The following ALK variants were observed in gnomAD, a reference collection of about 807,000 sequenced individuals.
The protein encoded by ALK is ALK tyrosine kinase receptor.
ALK carries 74 observed loss-of-function variants against 163.1 expected under a neutral mutation model. The observed-to-expected ratio is 0.45, with a 90% CI of 0.38 to 0.55. The LOEUF is 0.55. Ranked by LOEUF, ALK falls within the 20% of genes least tolerant of loss-of-function variation. The pLI, the probability that ALK is intolerant of heterozygous loss-of-function variation, is 0.00. For synonymous variants in ALK, 960 were observed against 843.2 expected (o/e 1.14, Z -2.40); for missense variants, 2,063 against 2,105.3 (o/e 0.98, Z 0.39).
chr2:29,726,508 G>A (rs1193919616), intron 1 of ALK, among the ~76,000 whole-genome samples: 1 of 152,168 alleles, frequency 6.6e-6, no homozygotes, highest in Non-Finnish European at 1.5e-5. Flanking sequence ...GAGAGTCCTG[G>A]TAAGGATAAT....
intron 4 of ALK, among the ~76,000 whole-genome samples, chr2:29,508,224 G>T (rs562461245): frequency 6.6e-6 from 1 of 152,152 alleles, no homozygotes; most frequent in Admixed American, 6.5e-5. Flanking sequence ...TCTAGCTTCA[G>T]TTAACATCTG....
chr2:29,576,632 A>G lies in ALK; in HGVS notation c.953-44516T>C, dbSNP rs146434947. ...ACAGGTCCCCAACCCCCAGGGCCAC[A>G]GACCATCCAGGAGGAGGTGAGTGGT... On this transcript the variant is annotated intron_variant, in intron 3 of 28. Transcript: ENST00000389048. Among the ~76,000 whole-genome samples, 198 of 152,286 alleles carry G rather than the reference A, an allele frequency of 1.3e-3. No homozygotes were observed. The East Asian group carries it at 0.017, about 13-fold the overall frequency.
At chr2:29,641,959 C>T (rs1477143740) in intron 3 of ALK, among the ~76,000 whole-genome samples, 36 of 152,174 alleles carry the variant, frequency 2.4e-4, no homozygotes, top group Admixed American at 2.4e-3. Context: ...AGCTAGGAAA[C>T]TTATCAAAAA....
intron 1 of ALK, among the ~76,000 whole-genome samples, chr2:29,755,065 A>C (rs1192267939): frequency 3.1e-5 from 3 of 96,004 alleles, no homozygotes; most frequent in Non-Finnish European, 8.5e-5. Context: ...AGTTTTTCCA[A>C]CAGCAGCTTC....
At chr2:29,440,768 C>T (rs1670521224) in intron 4 of ALK, among the ~76,000 whole-genome samples, 1 of 152,188 alleles carries the variant, frequency 6.6e-6, no homozygotes, top group South Asian at 2.1e-4. Flanking sequence ...ATTAAAGCAC[C>T]ACTCTTTGAT....
At chr2:29,441,000 G>A (rs138803799) in intron 4 of ALK, among the ~76,000 whole-genome samples, 128 of 152,224 alleles carry the variant, frequency 8.4e-4, no homozygotes, top group Middle Eastern at 3.4e-3. Context: ...CCAAGTCTCC[G>A]GCTTCAATAG....
At chr2:29,362,923 T>A (rs1558693947) in intron 5 of ALK, among the ~76,000 whole-genome samples, 1 of 151,888 alleles carries the variant, frequency 6.6e-6, no homozygotes, top group South Asian at 2.1e-4. Flanking sequence ...TTGGTTCCCA[T>A]TTACATGGGT....
At chr2:29,519,181 C>A (rs181072635) in intron 4 of ALK, among the ~76,000 whole-genome samples, 2 of 152,264 alleles carry the variant, frequency 1.3e-5, no homozygotes, top group African/African-American at 2.4e-5. Flanking sequence ...TACCTGGGAG[C>A]TAAAGCTGCT....
At chr2:29,795,977 C>G (rs1664299194) in intron 1 of ALK, among the ~76,000 whole-genome samples, 1 of 152,070 alleles carries the variant, frequency 6.6e-6, no homozygotes, top group African/African-American at 2.4e-5. Flanking sequence ...TTTCCTTCTG[C>G]CCTTCTTTTC....
chr2:29,508,755 A>G lies in ALK; in HGVS notation c.1154+23160T>C, dbSNP rs928972433. On this transcript the variant is annotated intron_variant, in intron 4 of 28. Transcript: ENST00000389048. ...ACTCAAAAAAAAAAAAAAAAAAAAA[A>G]AAAGAAATCCAGACTTCCAGCCCAT... 6.0e-5 allele frequency among the ~76,000 whole-genome samples: 7 copies of G among 116,114 alleles called. No individual in the cohort carries two copies. The East Asian group carries it at 1.8e-3, about 29-fold the overall frequency. 76.2% of individuals were successfully genotyped at this position (116,114 alleles called of 152,430 possible). A position where few individuals can be genotyped will look rare whatever the true frequency, so the allele number is the denominator to read the frequency against.
intron 5 of ALK, among the ~76,000 whole-genome samples, chr2:29,346,157 C>T (rs1438498177): frequency 6.6e-6 from 1 of 152,216 alleles, no homozygotes; most frequent in Non-Finnish European, 1.5e-5. Flanking sequence ...CCCCAATTCA[C>T]CCTGTTTCTA....
chr2:29,348,663 C>T (rs1668023060), intron 5 of ALK, among the ~76,000 whole-genome samples: 1 of 152,198 alleles, frequency 6.6e-6, no homozygotes, highest in Non-Finnish European at 1.5e-5. Flanking sequence ...AACACTTTGA[C>T]ACATGTTATG....
At chr2:29,514,849 C>T (rs760222089) in intron 4 of ALK, among the ~76,000 whole-genome samples, 1 of 152,208 alleles carries the variant, frequency 6.6e-6, no homozygotes, top group Admixed American at 6.5e-5. Context: ...ACTACCCTCC[C>T]TTTCCTTGTG....
At chr2:29,880,132 A>C (rs1348580176) in intron 1 of ALK, among the ~76,000 whole-genome samples, 1 of 152,178 alleles carries the variant, frequency 6.6e-6, no homozygotes, top group African/African-American at 2.4e-5. Context: ...CCTTGGAGAG[A>C]TGTCTGCCTC....
At chr2:29,594,648 C>T (rs912669794) in intron 3 of ALK, among the ~76,000 whole-genome samples, 2 of 151,782 alleles carry the variant, frequency 1.3e-5, no homozygotes, top group East Asian at 1.9e-4. Flanking sequence ...AGGCTGGTCT[C>T]GAATTCCTGA....
At chr2:29,261,144 T>C (rs948711160) in intron 11 of ALK, among the ~76,000 whole-genome samples, 4 of 152,194 alleles carry the variant, frequency 2.6e-5, no homozygotes, top group Non-Finnish European at 4.4e-5. Context: ...CTGTAATTTC[T>C]AGCAACTATC....
At chr2:29,378,258 G>A (rs1278566339) in intron 5 of ALK, among the ~76,000 whole-genome samples, 1 of 152,206 alleles carries the variant, frequency 6.6e-6, no homozygotes, top group African/African-American at 2.4e-5. Context: ...ACCATAAGGT[G>A]GAGGCAGAAA....
At chr2:29,524,864 TGGATGGATGAAC>T (rs1672915322) in intron 4 of ALK, among the ~76,000 whole-genome samples, 2 of 151,290 alleles carry the variant, frequency 1.3e-5, no homozygotes, top group Non-Finnish European at 2.9e-5. Flanking sequence ...GATGGATGGA[TGGATGGATGAAC>T]GGATGGATGG....
At chr2:29,425,400 C>G (rs2148070163) in intron 4 of ALK, among the ~76,000 whole-genome samples, 1 of 152,260 alleles carries the variant, frequency 6.6e-6, no homozygotes, top group East Asian at 1.9e-4. Flanking sequence ...CCCAGCTACA[C>G]AAGGCAGAGG....
Sources: allele counts gnomAD v4.1 joint callset (sites outside exome capture counted in the v4.1 genomes callset), GRCh38; gene constraint gnomAD v4.1.1; transcripts MANE v1.5; gene names NCBI Gene and HGNC (gene_info 2026-07-23, HGNC 2026-07-21).